DOK6: variants seen among roughly 807,000 people sequenced by gnomAD.
The protein encoded by DOK6 is docking protein 6.
DOK6 carries 22 observed loss-of-function variants against 44.0 expected under a neutral mutation model. The observed-to-expected ratio is 0.50, with a 90% confidence interval of 0.36 to 0.71. The LOEUF (loss-of-function observed/expected upper bound fraction) is 0.71. DOK6 is among the 30% of genes least tolerant of loss of function. DOK6 has a pLI of 0.00. For synonymous variants in DOK6, 166 were observed against 145.5 expected (o/e 1.14, Z -1.01); for missense variants, 340 against 416.4 (o/e 0.82, Z 1.60).
intron 3 of DOK6, among the ~76,000 whole-genome samples, 200 bp from the exon 4 acceptor site, chr18:69,677,534 A>G (rs8097603): frequency 0.14 from 21,014 of 152,206 alleles, 1,527 homozygotes; most frequent in Middle Eastern, 0.19. Flanking sequence ...AATAAGATAA[A>G]CCACTTAAAA....
At chr18:69,580,694 A>G (rs968847373) in intron 2 of DOK6, among the ~76,000 whole-genome samples, 17 of 152,186 alleles carry the variant, frequency 1.1e-4, no homozygotes, top group Admixed American at 7.9e-4. Flanking sequence ...AATGTTAATC[A>G]TCTGTCCTTC....
chr18:69,580,002 A>G (rs1426283627), intron 2 of DOK6, among the ~76,000 whole-genome samples: 1 of 152,206 alleles, frequency 6.6e-6, no homozygotes, highest in African/African-American at 2.4e-5. Flanking sequence ...ATTATCCCAA[A>G]TAATTGAATT....
chr18:69,465,048 G>T (rs1346355724), intron 1 of DOK6, among the ~76,000 whole-genome samples: 1 of 152,030 alleles, frequency 6.6e-6, no homozygotes. Context: ...ATTCAATTTA[G>T]TTCCATGTTC....
intron 6 of DOK6, among the ~76,000 whole-genome samples, chr18:69,749,679 G>A (rs532153201): frequency 2.8e-4 from 43 of 152,202 alleles, no homozygotes; most frequent in African/African-American, 8.7e-4. Context: ...AGTGGCTCAC[G>A]CCTGTAATCC....
chr18:69,683,451 G>A (rs1211365032), intron 4 of DOK6, among the ~76,000 whole-genome samples: 1 of 152,218 alleles, frequency 6.6e-6, no homozygotes, highest in Admixed American at 6.5e-5. Context: ...ATTAGGGTTG[G>A]CCATAATCCA....
At chr18:69,814,267 AC>A (rs1709313946) in intron 7 of DOK6, among the ~76,000 whole-genome samples, 1 of 151,986 alleles carries the variant, frequency 6.6e-6, no homozygotes, top group Non-Finnish European at 1.5e-5. Context: ...TAGACCAGAT[AC>A]TCCTGATCAG....
chr18:69,556,434 C>T (rs1982687906), intron 1 of DOK6, among the ~76,000 whole-genome samples: 1 of 152,132 alleles, frequency 6.6e-6, no homozygotes, highest in Non-Finnish European at 1.5e-5. Context: ...GTTCCCTTCT[C>T]CATCCTTGTG....
At chr18:69,709,957 G>A (rs1157910952) in intron 5 of DOK6, among the ~76,000 whole-genome samples, 3 of 152,100 alleles carry the variant, frequency 2.0e-5, no homozygotes, top group African/African-American at 4.8e-5. Context: ...CTGCCAGATC[G>A]CTTGAGCTCT....
At chr18:69,647,246 AT>A (rs59679365) in intron 3 of DOK6, among the ~76,000 whole-genome samples, 17,828 of 149,864 alleles carry the variant, frequency 0.12, 1,171 homozygotes, top group East Asian at 0.2. Context: ...TTCTAGTTTC[AT>A]TTTTTTTTCT....
At chr18:69,576,466 G>T (rs1983241041) in intron 2 of DOK6, among the ~76,000 whole-genome samples, 1 of 152,032 alleles carries the variant, frequency 6.6e-6, no homozygotes, top group Admixed American at 6.6e-5. Flanking sequence ...AGAGATTTCT[G>T]AAAAAATAAG....
At chr18:69,693,941 C>T (rs1017606775) in intron 4 of DOK6, among the ~76,000 whole-genome samples, 2 of 151,502 alleles carry the variant, frequency 1.3e-5, no homozygotes, top group African/African-American at 2.4e-5. Flanking sequence ...CGCCTGTAGT[C>T]CCAGCTACTC....
At chr18:69,457,400 T>C (rs901450189) in intron 1 of DOK6, among the ~76,000 whole-genome samples, 12 of 152,196 alleles carry the variant, frequency 7.9e-5, no homozygotes, top group African/African-American at 2.7e-4. Flanking sequence ...ATTAATTGAA[T>C]AGAGAGTCCT....
intron 7 of DOK6, among the ~76,000 whole-genome samples, chr18:69,822,342 A>G (rs1443809694): frequency 6.6e-6 from 1 of 152,238 alleles, no homozygotes; most frequent in Admixed American, 6.5e-5. Context: ...TGTTGGCAGA[A>G]GACATGAGAC....
At chr18:69,599,548 A>G (rs1189834096) in intron 3 of DOK6, 50 bp downstream of exon 3, 23 of 1,475,958 alleles carry the variant, frequency 1.6e-5, no homozygotes, top group Non-Finnish European at 2.2e-5. Context: ...GCTGCTTGTG[A>G]GACAATGGCC....
chr18:69,544,184 G>A (rs552701254), intron 1 of DOK6, among the ~76,000 whole-genome samples: 1 of 151,426 alleles, frequency 6.6e-6, no homozygotes, highest in Admixed American at 6.6e-5. Flanking sequence ...CTTGAACCCT[G>A]GAGGTAAAGG....
At chr18:69,512,335 T>TTC (rs1981394338) in intron 1 of DOK6, among the ~76,000 whole-genome samples, 4 of 64,290 alleles carry the variant, frequency 6.2e-5, no homozygotes, top group South Asian at 3.9e-4. Flanking sequence ...TCTTCTTCTT[T>TTC]TTTTTTTTTT....
chr18:69,681,916 C>G (rs1256965546), intron 4 of DOK6, among the ~76,000 whole-genome samples: 1 of 152,204 alleles, frequency 6.6e-6, no homozygotes. Context: ...TGCAAGAGAT[C>G]TCCATCTGGA....
At chr18:69,495,490 G>C (rs990546672) in intron 1 of DOK6, among the ~76,000 whole-genome samples, 9 of 152,196 alleles carry the variant, frequency 5.9e-5, no homozygotes, top group Admixed American at 4.6e-4. Flanking sequence ...TCTGCAGCTG[G>C]TTGTCCCAGT....
chr18:69,445,947 C>T (rs1006528727), intron 1 of DOK6, among the ~76,000 whole-genome samples: 7 of 151,972 alleles, frequency 4.6e-5, no homozygotes, highest in Admixed American at 2.0e-4. Flanking sequence ...TGTAGTAATG[C>T]CTCTACTTTC....
Sources: allele counts gnomAD v4.1 joint callset (sites outside exome capture counted in the v4.1 genomes callset), GRCh38; gene constraint gnomAD v4.1.1; transcripts MANE v1.5; gene names NCBI Gene and HGNC (gene_info 2026-07-23, HGNC 2026-07-21).